Variants in NCALD observed in about 807,000 individuals in gnomAD.
The protein encoded by NCALD is neurocalcin-delta.
In NCALD, 10 loss-of-function variants were observed where a neutral mutation model predicts 18.6. The observed-to-expected ratio is 0.54, with a 90% CI of 0.33 to 0.91. The LOEUF (loss-of-function observed/expected upper bound fraction) is 0.91. Among genes scored for constraint, NCALD ranks in the 40% least tolerant of loss-of-function variants. The probability of loss-of-function intolerance (pLI) is 0.03; values close to 1 mark genes in which losing one functional copy is unlikely to be tolerated. For synonymous variants in NCALD, 88 were observed against 87.4 expected (o/e 1.01, Z -0.04); for missense variants, 184 against 247.6 (o/e 0.74, Z 1.72).
At chr8:101,882,164 A>G (rs952070157) in intron 4 of NCALD, among the ~76,000 whole-genome samples, 1 of 152,172 alleles carries the variant, frequency 6.6e-6, no homozygotes, top group African/African-American at 2.4e-5. Flanking sequence ...TGAAAAAAAC[A>G]TACTGAAGGA....
intron 1 of NCALD, among the ~76,000 whole-genome samples, chr8:101,762,630 A>G (rs1811161992): frequency 6.7e-6 from 1 of 150,244 alleles, no homozygotes; most frequent in Non-Finnish European, 1.5e-5. Flanking sequence ...GCTGGAGTAC[A>G]GCGGTGTGAT....
chr8:101,838,658 A>G (rs1232613197), intron 4 of NCALD, among the ~76,000 whole-genome samples: 1 of 152,260 alleles, frequency 6.6e-6, no homozygotes, highest in South Asian at 2.1e-4. Flanking sequence ...CCTGCATTCA[A>G]TCATTGAAAT....
intron 4 of NCALD, among the ~76,000 whole-genome samples, chr8:101,852,950 C>T (rs1195528986): frequency 6.6e-6 from 1 of 152,078 alleles, no homozygotes; most frequent in African/African-American, 2.4e-5. Flanking sequence ...GCAGGCCAGT[C>T]GACATCCTCT....
intron 2 of NCALD, among the ~76,000 whole-genome samples, chr8:102,006,349 T>C (rs1445676605): frequency 6.6e-6 from 1 of 152,098 alleles, no homozygotes; most frequent in African/African-American, 2.4e-5. Context: ...CCTAATAACA[T>C]AGTAGCTATA....
At chr8:101,727,637 T>C (rs1384023317) in intron 1 of NCALD, among the ~76,000 whole-genome samples, 1 of 152,230 alleles carries the variant, frequency 6.6e-6, no homozygotes, top group East Asian at 1.9e-4. Flanking sequence ...CACATTACCA[T>C]GCCCAGCATA....
intron 4 of NCALD, among the ~76,000 whole-genome samples, chr8:101,796,175 C>T (rs906651079): frequency 1.1e-4 from 16 of 152,328 alleles, no homozygotes; most frequent in Admixed American, 5.2e-4. Flanking sequence ...AATCATTACA[C>T]TCTCTAATTG....
intron 2 of NCALD, among the ~76,000 whole-genome samples, chr8:102,011,475 G>C (rs1275142380): frequency 6.6e-6 from 1 of 152,182 alleles, no homozygotes; most frequent in Non-Finnish European, 1.5e-5. Context: ...GACAGAAACT[G>C]TGTCCCATAC....
chr8:101,718,467 T>A (rs913511377), intron 2 of NCALD, among the ~76,000 whole-genome samples: 8 of 152,140 alleles, frequency 5.3e-5, no homozygotes, highest in African/African-American at 1.9e-4. Context: ...TTCCACCCTA[T>A]ACTATTTGTT....
intron 1 of NCALD, among the ~76,000 whole-genome samples, chr8:102,078,143 C>G (rs908959919): frequency 6.6e-6 from 1 of 152,132 alleles, no homozygotes; most frequent in Non-Finnish European, 1.5e-5. Flanking sequence ...CCCCATGCAA[C>G]CAGTTGCTCT....
At chr8:101,697,383 C>T (rs969037571) in intron 2 of NCALD, among the ~76,000 whole-genome samples, 5 of 152,186 alleles carry the variant, frequency 3.3e-5, no homozygotes, top group East Asian at 1.9e-4. Flanking sequence ...GGAGCTGGTA[C>T]GATTCCTTCT....
intron 2 of NCALD, among the ~76,000 whole-genome samples, chr8:102,016,779 C>G (rs1822097117): frequency 6.6e-6 from 1 of 152,156 alleles, no homozygotes; most frequent in South Asian, 2.1e-4. Flanking sequence ...CTTCTACAAA[C>G]ACTGTCCAAC....
At chr8:101,751,533 G>A (rs1160774058) in intron 1 of NCALD, among the ~76,000 whole-genome samples, 2 of 152,080 alleles carry the variant, frequency 1.3e-5, no homozygotes, top group Non-Finnish European at 2.9e-5. Context: ...CACCATGGAA[G>A]GAAGGAAGGA....
chr8:101,796,273 A>G (rs1030083950), intron 4 of NCALD, among the ~76,000 whole-genome samples: 1 of 152,110 alleles, frequency 6.6e-6, no homozygotes, highest in Admixed American at 6.6e-5. Flanking sequence ...AACCTCTAAA[A>G]TTTTTCATAC....
At chr8:101,804,290 A>ACTATTATATATAATTATATCAATTAT (rs1470731631) in intron 4 of NCALD, among the ~76,000 whole-genome samples, 8 of 110,954 alleles carry the variant, frequency 7.2e-5, no homozygotes, top group African/African-American at 3.7e-4. Context: ...ACTATTTATA[A>ACTATTATATATAATTATATCAATTAT]CTATTATATA....
chr8:101,927,395 A>G (rs1818375042), intron 2 of NCALD, among the ~76,000 whole-genome samples: 1 of 152,184 alleles, frequency 6.6e-6, no homozygotes, highest in Non-Finnish European at 1.5e-5. Context: ...GTTGTCAGGG[A>G]GCTGCAGCAG....
chr8:102,101,078 C>T (rs565951287), intron 1 of NCALD, among the ~76,000 whole-genome samples: 46 of 152,270 alleles, frequency 3.0e-4, no homozygotes, highest in Non-Finnish European at 6.3e-4. Flanking sequence ...TTTTATACCA[C>T]GACCAGCAAC....
chr8:101,883,833 T>A (rs1329602487), intron 4 of NCALD, among the ~76,000 whole-genome samples: 1 of 152,192 alleles, frequency 6.6e-6, no homozygotes, highest in Admixed American at 6.5e-5. Flanking sequence ...TCCACTAGAA[T>A]TTCAGATCCA....
At chr8:102,077,319 C>T (rs1291070902) in intron 1 of NCALD, among the ~76,000 whole-genome samples, 3 of 152,112 alleles carry the variant, frequency 2.0e-5, no homozygotes, top group African/African-American at 4.8e-5. Flanking sequence ...GTTCAAAATA[C>T]GGAGGCCGCA....
chr8:101,762,255 T>G (rs1811144020), intron 1 of NCALD, among the ~76,000 whole-genome samples: 1 of 152,134 alleles, frequency 6.6e-6, no homozygotes, highest in Non-Finnish European at 1.5e-5. Flanking sequence ...TATTTGTGGA[T>G]CATAATACAA....
Sources: gnomAD v4.1 joint callset for allele counts (sites outside exome capture counted in the v4.1 genomes callset) on GRCh38, gnomAD v4.1.1 for gene constraint, MANE v1.5 for transcripts, NCBI Gene and HGNC (gene_info 2026-07-23, HGNC 2026-07-21) for gene names.